PSMA1: variants seen among roughly 807,000 people sequenced by gnomAD.
PSMA1 encodes proteasome 20S subunit alpha 1.
A neutral mutation model predicts 38.4 loss-of-function variants in PSMA1; 3 were observed. The observed-to-expected ratio is 0.08, with a 90% CI of 0.04 to 0.20. The LOEUF is 0.20. Ranked by LOEUF, PSMA1 falls within the 10% of genes least tolerant of loss-of-function variation. PSMA1 has a pLI of 1.00. For missense variants in PSMA1, 227 were observed against 325.3 expected (o/e 0.70, Z 2.32); for synonymous variants, 101 against 107.1 (o/e 0.94, Z 0.35).
intron 1 of PSMA1, among the ~76,000 whole-genome samples, chr11:14,630,149 C>T (rs1185538482): frequency 2.6e-5 from 4 of 152,078 alleles, no homozygotes; most frequent in Non-Finnish European, 5.9e-5. Flanking sequence ...AATTGAATAC[C>T]CTTTATTTCC....
intron 2 of PSMA1, among the ~76,000 whole-genome samples, chr11:14,531,342 A>G (rs1851645894): frequency 6.6e-5 from 10 of 152,122 alleles, no homozygotes; most frequent in Admixed American, 6.5e-4. Context: ...ATATGTACTC[A>G]ATGTTCAGCT....
intron 2 of PSMA1, among the ~76,000 whole-genome samples, chr11:14,602,890 C>T (rs1852601215): frequency 6.6e-6 from 1 of 152,066 alleles, no homozygotes; most frequent in Admixed American, 6.5e-5. Flanking sequence ...ATCAAGTGAC[C>T]CCAATACAGG....
chr11:14,519,123 G>T, intron 1 of PSMA1, 82 bp from the exon 2 acceptor site: 1 of 1,223,808 alleles, frequency 8.2e-7, no homozygotes, highest in Non-Finnish European at 1.2e-6. Flanking sequence ...AAATATGCTT[G>T]TATTTCCATT....
intron 1 of PSMA1, among the ~76,000 whole-genome samples, chr11:14,627,034 G>T (rs1442254336): frequency 6.6e-6 from 1 of 152,100 alleles, no homozygotes; most frequent in African/African-American, 2.4e-5. Flanking sequence ...CCCCCTTCTT[G>T]CTGTGTCTTC....
At chr11:14,528,752 C>T (rs1314519841) in intron 2 of PSMA1, among the ~76,000 whole-genome samples, 1 of 152,102 alleles carries the variant, frequency 6.6e-6, no homozygotes, top group Non-Finnish European at 1.5e-5. Context: ...TGACGAAGTT[C>T]CACCATTGAT....
chr11:14,542,752 T>A (rs900859165), intron 2 of PSMA1, among the ~76,000 whole-genome samples: 12 of 152,228 alleles, frequency 7.9e-5, no homozygotes, highest in African/African-American at 2.9e-4. Context: ...TCCAGAGAAG[T>A]AAGGATATAT....
At chr11:14,572,433 G>A (rs1589996135) in intron 2 of PSMA1, among the ~76,000 whole-genome samples, 1 of 152,194 alleles carries the variant, frequency 6.6e-6, no homozygotes, top group Admixed American at 6.5e-5. Flanking sequence ...ATAACGAAAT[G>A]AAGGCAGAAA....
Position 14,573,985 on chromosome 11 carries a change from C to G in PSMA1, c.21+36981G>C, listed in dbSNP as rs1160947526. On this transcript the variant is annotated intron_variant, in intron 2 of 10. Coordinates refer to the PSMA1 transcript ENST00000418988. ...AAGCAGCAAAACATTCAAGAATTGC[C>G]CTGGCTGCCTCTAAAATTCTATGTT... Among the ~76,000 whole-genome samples the G allele has an allele frequency of 2.0e-5, 3 of 152,182 alleles. No individual in the cohort carries two copies. In the East Asian group the frequency reaches 5.8e-4, roughly 29 times the overall value.
intron 2 of PSMA1, among the ~76,000 whole-genome samples, chr11:14,526,395 C>T (rs1256289298): frequency 1.3e-5 from 2 of 152,154 alleles, no homozygotes; most frequent in African/African-American, 2.4e-5. Flanking sequence ...AGAATTCTTA[C>T]ACAAGGACCG....
At chr11:14,568,682 A>C (rs1210564995) in intron 2 of PSMA1, among the ~76,000 whole-genome samples, 1 of 152,204 alleles carries the variant, frequency 6.6e-6, no homozygotes, top group African/African-American at 2.4e-5. Flanking sequence ...AGAACTTTAG[A>C]GTTTAAGCAA....
intron 2 of PSMA1, among the ~76,000 whole-genome samples, chr11:14,551,803 G>C (rs1276462155): frequency 1.3e-5 from 2 of 152,174 alleles, no homozygotes; most frequent in Non-Finnish European, 2.9e-5. Context: ...GGGGACAGTG[G>C]GCTAGCCATA....
intron 2 of PSMA1, among the ~76,000 whole-genome samples, chr11:14,577,868 C>CA (rs1322931544): frequency 1.3e-5 from 2 of 152,030 alleles, no homozygotes. Flanking sequence ...TAGGAGTTAA[C>CA]AAAAAAATCC....
chr11:14,532,649 A>G (rs1223514533), intron 2 of PSMA1, among the ~76,000 whole-genome samples: 1 of 146,138 alleles, frequency 6.8e-6, no homozygotes, highest in African/African-American at 2.5e-5. Context: ...TTTTTTTTCA[A>G]TAAAGACAAT....
rs1565035158 is a variant in PSMA1, at chr11:14,520,363, A to G, written c.-64T>C. ...TGAGAATCAAGGAGGTGCTGCCGAA[A>G]GTATCGCTCAGCGATCTACAGAGAA... is the stretch of plus-strand genomic sequence containing the variant. On this transcript the variant is annotated 5_prime_UTR_variant, in exon 1 of 10. Transcript: ENST00000396394. 6.2e-7 allele frequency: 1 copy of G among 1,614,196 alleles called. No homozygotes were observed. The highest frequency in any genetic ancestry group is 8.5e-7 in the Non-Finnish European group (1 of 1,180,020).
intron 2 of PSMA1, among the ~76,000 whole-genome samples, chr11:14,579,118 G>A (rs748148679): frequency 3.9e-5 from 6 of 152,202 alleles, no homozygotes; most frequent in Non-Finnish European, 8.8e-5. Flanking sequence ...CTATTAGAAA[G>A]AAGGTATGTT....
chr11:14,511,091 T>C lies in PSMA1; in HGVS notation c.545-140A>G, dbSNP rs574062627. 7.7e-5 allele frequency: 36 copies of C among 469,234 alleles called. 1 individual carries two copies. The South Asian group carries it at 1.3e-3, about 17-fold the overall frequency. The allele number at this position is 469,234 out of a possible 1,614,324, so 29.1% of individuals were successfully genotyped here. ...CAGTAAAAACAGCCAAGTTTAATGC[T>C]AGTCATATAATCTTTTAATAGCATT... On this transcript the variant is annotated intron_variant, in intron 7 of 9. Transcript: ENST00000396394.
At chr11:14,575,241 T>C (rs1266777411) in intron 2 of PSMA1, among the ~76,000 whole-genome samples, 1 of 152,192 alleles carries the variant, frequency 6.6e-6, no homozygotes, top group Non-Finnish European at 1.5e-5. Flanking sequence ...TTTCTTTTTT[T>C]AAATTTTAAA....
chr11:14,599,405 A>G (rs1373048012), intron 2 of PSMA1, among the ~76,000 whole-genome samples: 1 of 152,214 alleles, frequency 6.6e-6, no homozygotes, highest in East Asian at 1.9e-4. Flanking sequence ...CTTTTCACAT[A>G]GTCCCATATT....
intron 2 of PSMA1, among the ~76,000 whole-genome samples, chr11:14,596,768 C>A (rs186872135): frequency 1.3e-5 from 2 of 152,216 alleles, no homozygotes; most frequent in Non-Finnish European, 2.9e-5. Context: ...CTGGCCAGAA[C>A]TTCCAACGCT....
Sources: allele counts gnomAD v4.1 joint callset (sites outside exome capture counted in the v4.1 genomes callset), GRCh38; gene constraint gnomAD v4.1.1; transcripts MANE v1.5; gene names NCBI Gene and HGNC (gene_info 2026-07-23, HGNC 2026-07-21).